Variants in AFAP1 observed in about 807,000 individuals in gnomAD.
The protein encoded by AFAP1 is actin filament-associated protein 1.
Under a neutral mutation model 93.9 loss-of-function variants are expected in AFAP1, and 75 were observed. That is an observed-to-expected ratio of 0.80 (90% CI 0.66 to 0.97). AFAP1 has a LOEUF of 0.97. Among genes scored for constraint, AFAP1 ranks in the 50% least tolerant of loss-of-function variants. AFAP1 has a pLI of 0.00. For missense variants in AFAP1, 1,201 were observed against 1,050.8 expected, an observed-to-expected ratio of 1.14 and a Z score of -1.98; for synonymous variants, 517 against 430.7, an observed-to-expected ratio of 1.20 and a Z score of -2.48.
intron 3 of AFAP1, among the ~76,000 whole-genome samples, chr4:7,865,020 T>C (rs569407580): frequency 1.3e-5 from 2 of 152,118 alleles, no homozygotes; most frequent in South Asian, 4.2e-4. Context: ...CAATTAGATG[T>C]GGGGACATCA....
intron 3 of AFAP1, among the ~76,000 whole-genome samples, chr4:7,866,402 C>T (rs1716404072): frequency 6.6e-6 from 1 of 151,970 alleles, no homozygotes; most frequent in Admixed American, 6.5e-5. Context: ...CGCTATGTTG[C>T]CCAGGCTAGT....
intron 12 of AFAP1, among the ~76,000 whole-genome samples, chr4:7,783,502 G>T (rs1716975834): frequency 6.6e-6 from 1 of 152,204 alleles, no homozygotes; most frequent in African/African-American, 2.4e-5. Flanking sequence ...GCTGGTAACA[G>T]AGCCGAACAC....
intron 17 of AFAP1, among the ~76,000 whole-genome samples, chr4:7,764,706 A>C (rs1714306514): frequency 6.6e-6 from 1 of 152,236 alleles, no homozygotes; most frequent in African/African-American, 2.4e-5. Context: ...AGCACTGTGA[A>C]AGCAGGGACA....
intron 1 of AFAP1, among the ~76,000 whole-genome samples, chr4:7,891,850 AG>A (rs886656715): frequency 3.5e-4 from 53 of 152,020 alleles, no homozygotes; most frequent in African/African-American, 1.2e-3. Flanking sequence ...GGAGTTCACA[AG>A]ACCAGCGTGG....
At chr4:7,819,051 C>A (rs1395144718) in intron 7 of AFAP1, 25 bp downstream of exon 7, 1 of 1,566,716 alleles carries the variant, frequency 6.4e-7, no homozygotes, top group Admixed American at 1.9e-5. Context: ...TCACCGTCCC[C>A]ACCCAGCAAG....
chr4:7,840,156 T>C (rs990914853), intron 5 of AFAP1, among the ~76,000 whole-genome samples: 11 of 152,160 alleles, frequency 7.2e-5, no homozygotes, highest in African/African-American at 2.7e-4. Context: ...ATTGTGCACG[T>C]GCAGAGCCTG....
At chr4:7,838,799 G>T in intron 5 of AFAP1, 96 bp from the exon 6 acceptor site, 1 of 1,392,876 alleles carries the variant, frequency 7.2e-7, no homozygotes, top group Non-Finnish European at 9.9e-7. Flanking sequence ...GTGCGGGCAA[G>T]GCATCTGAAA....
chr4:7,766,271 G>A (rs955036801), intron 17 of AFAP1, among the ~76,000 whole-genome samples: 4 of 152,292 alleles, frequency 2.6e-5, no homozygotes, highest in South Asian at 2.1e-4. Context: ...TATGTGGGCC[G>A]TTGTAAGCAG....
chr4:7,845,711 C>T (rs139874342), intron 4 of AFAP1, among the ~76,000 whole-genome samples: 51 of 152,216 alleles, frequency 3.4e-4, no homozygotes, highest in African/African-American at 1.2e-3. Flanking sequence ...TCCAACACAC[C>T]CCACACACCC....
chr4:7,806,296 C>A (rs538791435), intron 9 of AFAP1, among the ~76,000 whole-genome samples: 9 of 152,342 alleles, frequency 5.9e-5, no homozygotes, highest in Admixed American at 5.2e-4. Context: ...AATTGAGAGA[C>A]TTTGGCCCAA....
Position 7,761,512 on chromosome 4 carries a change from C to T in AFAP1, c.*2253G>A, listed in dbSNP as rs2148927945. ...TGGGTGACGGCTAAGGCCCACGTGA[C>T]ACTTTGCGTGCTGCTCACACTTCAC... On this transcript the variant is annotated 3_prime_UTR_variant, in exon 18 of 18. Coordinates refer to ENST00000420658, the MANE Select transcript of AFAP1 (RefSeq NM_001134647.2). 6.6e-6 allele frequency: 1 copy of T among 152,404 alleles called. No homozygotes were observed. Among genetic ancestry groups the T allele is most frequent in the Non-Finnish European group, 1.5e-5 (1 of 68,064 alleles). 9.4% of individuals were successfully genotyped at this position (152,404 alleles called of 1,614,324 possible).
intron 1 of AFAP1, among the ~76,000 whole-genome samples, chr4:7,874,601 T>C: frequency 7.3e-6 from 1 of 137,918 alleles, no homozygotes; most frequent in Non-Finnish European, 1.5e-5. Flanking sequence ...GCCGGGATGG[T>C]CTCGATCTCC....
At chr4:7,889,149 G>T (rs1014834905) in intron 1 of AFAP1, among the ~76,000 whole-genome samples, 7 of 152,098 alleles carry the variant, frequency 4.6e-5, no homozygotes, top group Admixed American at 6.6e-5. Flanking sequence ...AACACATTAA[G>T]ACCAAATGGA....
chr4:7,783,293 C>G (rs756416562), intron 12 of AFAP1, among the ~76,000 whole-genome samples: 1 of 152,182 alleles, frequency 6.6e-6, no homozygotes. Context: ...ATACCCACCA[C>G]CATGCCCGGC....
intron 3 of AFAP1, among the ~76,000 whole-genome samples, chr4:7,867,574 G>C (rs972488177): frequency 1.3e-5 from 2 of 152,178 alleles, no homozygotes; most frequent in Admixed American, 1.3e-4. Flanking sequence ...GTGTGAATTT[G>C]AAATAAATGT....
At chr4:7,938,276 G>A (rs1012811408) in intron 1 of AFAP1, among the ~76,000 whole-genome samples, 2 of 152,208 alleles carry the variant, frequency 1.3e-5, no homozygotes, top group African/African-American at 4.8e-5. Context: ...TGTCTTGTAT[G>A]CCTGTTACTT....
At chr4:7,931,237 G>A (rs1001938389) in intron 1 of AFAP1, among the ~76,000 whole-genome samples, 1 of 152,126 alleles carries the variant, frequency 6.6e-6, no homozygotes, top group Admixed American at 6.5e-5. Context: ...GGTGGAAAAG[G>A]GTAAGGTAGG....
intron 8 of AFAP1, among the ~76,000 whole-genome samples, chr4:7,815,395 T>C (rs949114970): frequency 1.4e-4 from 21 of 152,262 alleles, no homozygotes; most frequent in African/African-American, 5.1e-4. Context: ...ATGGTTAATA[T>C]GGTATATTTT....
intron 1 of AFAP1, among the ~76,000 whole-genome samples, chr4:7,896,450 A>G (rs1056103743): frequency 2.0e-5 from 3 of 151,458 alleles, no homozygotes; most frequent in African/African-American, 7.3e-5. Flanking sequence ...TCCCTCCCCA[A>G]CCCCATGGTC....
Sources: gnomAD v4.1 joint callset for allele counts (sites outside exome capture counted in the v4.1 genomes callset) on GRCh38, gnomAD v4.1.1 for gene constraint, MANE v1.5 for transcripts, NCBI Gene and HGNC (gene_info 2026-07-23, HGNC 2026-07-21) for gene names.